The following NTM variants were observed in gnomAD, a reference collection of about 807,000 sequenced individuals.
NTM encodes the protein IgLON family member 2.
Under a neutral mutation model 42.1 loss-of-function variants are expected in NTM, and 13 were observed. The observed-to-expected ratio is 0.31, with a 90% CI of 0.20 to 0.49. The LOEUF (loss-of-function observed/expected upper bound fraction) is 0.49. Among genes scored for constraint, NTM ranks in the 20% least tolerant of loss-of-function variants. NTM has a pLI of 0.99. For missense variants in NTM, 373 were observed against 452.8 expected, an observed-to-expected ratio of 0.82 and a Z score of 1.60; for synonymous variants, 187 against 179.2, an observed-to-expected ratio of 1.04 and a Z score of -0.35.
At chr11:131,899,120 C>T (rs746737043) in intron 1 of NTM, among the ~76,000 whole-genome samples, 16 of 152,028 alleles carry the variant, frequency 1.1e-4, no homozygotes, top group South Asian at 2.1e-4. Flanking sequence ...ACTTTTGGAA[C>T]GAGGCAGCCA....
intron 2 of NTM, among the ~76,000 whole-genome samples, chr11:131,921,387 T>C (rs1013451894): frequency 6.6e-6 from 1 of 152,072 alleles, no homozygotes; most frequent in African/African-American, 2.4e-5. Context: ...ATGCCACAGA[T>C]TGCCAGCAAG....
chr11:131,646,604 A>C (rs58877765), intron 1 of NTM, among the ~76,000 whole-genome samples: 6,569 of 152,256 alleles, frequency 0.043, 459 homozygotes, highest in African/African-American at 0.15. Flanking sequence ...ACATTTTAGC[A>C]TACGTGGTAC....
chr11:132,185,191 C>G (rs1181901112), intron 3 of NTM, among the ~76,000 whole-genome samples: 1 of 152,124 alleles, frequency 6.6e-6, no homozygotes, highest in East Asian at 1.9e-4. Flanking sequence ...GTCTTGCTTT[C>G]TATCACTGTC....
intron 4 of NTM, among the ~76,000 whole-genome samples, chr11:132,282,735 T>C (rs2094024516): frequency 6.6e-6 from 1 of 152,184 alleles, no homozygotes; most frequent in Non-Finnish European, 1.5e-5. Flanking sequence ...GGTAAAGTGA[T>C]AAATTGAATA....
chr11:131,693,683 C>T (rs1382171187), intron 1 of NTM, among the ~76,000 whole-genome samples: 1 of 152,202 alleles, frequency 6.6e-6, no homozygotes, highest in Non-Finnish European at 1.5e-5. Context: ...CAGTGTCATC[C>T]ACCCAAATCC....
intron 2 of NTM, among the ~76,000 whole-genome samples, chr11:132,045,256 G>T (rs1462315221): frequency 6.6e-6 from 1 of 152,118 alleles, no homozygotes; most frequent in Non-Finnish European, 1.5e-5. Context: ...TGGCAGTTCT[G>T]GGAGGCAACT....
chr11:132,067,249 C>A (rs2056651270), intron 2 of NTM, among the ~76,000 whole-genome samples: 1 of 152,216 alleles, frequency 6.6e-6, no homozygotes, highest in African/African-American at 2.4e-5. Context: ...TGTACCCAAC[C>A]AGCTTTTGTG....
At chr11:131,972,983 C>A (rs1033887581) in intron 2 of NTM, among the ~76,000 whole-genome samples, 75 of 152,206 alleles carry the variant, frequency 4.9e-4, no homozygotes, top group African/African-American at 1.7e-3. Context: ...AATAATCAAG[C>A]AGACCAACAA....
Position 132,209,270 on chromosome 11 carries a change from T to C in NTM, c.401-2752T>C, listed in dbSNP as rs182961543. On this transcript the variant is annotated intron_variant, in intron 3 of 8. Transcript: ENST00000683400. ...TGTAGCTTTTAAAATGATATAACCA[T>C]AAATGGCATTGTTACATCTTAAAAG... 7.2e-5 allele frequency among the ~76,000 whole-genome samples: 11 copies of C among 152,350 alleles called. No individual in the cohort carries two copies. The East Asian group carries it at 1.7e-3, about 24-fold the overall frequency.
rs2050726732 is a variant in NTM at position 131,527,879 on chromosome 11, T to G, written c.82+156991T>G. On this transcript the variant is annotated intron_variant, in intron 1 of 8. Transcript: ENST00000683400. ...GGAAAGCGATAAATCAAATAACTAT[T>G]GAGGATGTTCAGCCCATTGATCATG... is the stretch of plus-strand genomic sequence containing the variant. Among the ~76,000 whole-genome samples, 3 of 152,166 alleles carry G rather than the reference T, an allele frequency of 2.0e-5. No homozygotes were observed. The South Asian group carries it at 6.2e-4, about 31-fold the overall frequency.
intron 1 of NTM, among the ~76,000 whole-genome samples, chr11:131,398,715 A>G (rs1424298508): frequency 1.3e-5 from 2 of 152,176 alleles, no homozygotes; most frequent in Non-Finnish European, 2.9e-5. Flanking sequence ...ATCACTATAC[A>G]TTCTATTACC....
chr11:132,148,649 C>G (rs755188564), intron 3 of NTM, among the ~76,000 whole-genome samples: 4 of 152,072 alleles, frequency 2.6e-5, no homozygotes, highest in Admixed American at 2.6e-4. Flanking sequence ...CTTCAGCCAC[C>G]CCCACTCACA....
intron 1 of NTM, among the ~76,000 whole-genome samples, chr11:131,600,530 C>T (rs1401470535): frequency 3.3e-5 from 5 of 152,132 alleles, no homozygotes; most frequent in Non-Finnish European, 7.4e-5. Flanking sequence ...TTTAATAAGC[C>T]TTTTAAAAAA....
intron 2 of NTM, among the ~76,000 whole-genome samples, chr11:132,064,568 G>T (rs1193633412): frequency 3.9e-5 from 6 of 152,182 alleles, no homozygotes; most frequent in African/African-American, 1.4e-4. Flanking sequence ...CTCCTACAAT[G>T]TAGTGACTTC....
chr11:131,801,017 G>A (rs76652306), intron 1 of NTM, among the ~76,000 whole-genome samples: 1 of 152,118 alleles, frequency 6.6e-6, no homozygotes, highest in Non-Finnish European at 1.5e-5. Flanking sequence ...GACTCTCAGA[G>A]ATGTTGGGGC....
chr11:131,653,769 GCCT>G (rs771903543), intron 1 of NTM, among the ~76,000 whole-genome samples: 5 of 152,220 alleles, frequency 3.3e-5, no homozygotes, highest in Non-Finnish European at 5.9e-5. Flanking sequence ...TCCCCCCGCG[GCCT>G]CTTTTCTAGG....
At chr11:131,448,068 G>A (rs1950199002) in intron 1 of NTM, among the ~76,000 whole-genome samples, 1 of 152,226 alleles carries the variant, frequency 6.6e-6, no homozygotes, top group Non-Finnish European at 1.5e-5. Flanking sequence ...GACCACATCT[G>A]TCCTGTGCCA....
chr11:131,876,860 C>CT (rs112400063), intron 1 of NTM, among the ~76,000 whole-genome samples: 3,270 of 143,482 alleles, frequency 0.023, 32 homozygotes, highest in Non-Finnish European at 0.032. Flanking sequence ...CAAAGCATAA[C>CT]TTTTTTTTTT....
intron 1 of NTM, among the ~76,000 whole-genome samples, chr11:131,892,537 G>T (rs764158317): frequency 6.6e-6 from 1 of 152,316 alleles, no homozygotes; most frequent in African/African-American, 2.4e-5. Context: ...ACTTTTCTCT[G>T]TGTATTTTCT....
Sources: allele counts gnomAD v4.1 joint callset (sites outside exome capture counted in the v4.1 genomes callset), GRCh38; gene constraint gnomAD v4.1.1; transcripts MANE v1.5; gene names NCBI Gene and HGNC (gene_info 2026-07-23, HGNC 2026-07-21).